TMEM59: variants seen among roughly 807,000 people sequenced by gnomAD.
The protein encoded by TMEM59 is dendritic cell factor 1.
In TMEM59, 44 loss-of-function variants were observed where a neutral mutation model predicts 42.2. The observed-to-expected ratio is 1.04, with a 90% CI of 0.82 to 1.34. TMEM59 has a LOEUF of 1.34. Ranked by LOEUF, TMEM59 falls within the 40% of genes most tolerant of loss-of-function variation. The pLI is 0.00. For missense variants in TMEM59, 359 were observed against 382.8 expected (o/e 0.94, Z 0.52); for synonymous variants, 148 against 145.8 (o/e 1.02, Z -0.11).
rs767663092 is a variant in TMEM59 at position 54,047,248 on chromosome 1, C to A, written c.295+19G>T. On this transcript the variant is annotated intron_variant, in intron 2 of 7. Transcript: ENST00000234831. Reference sequence around the variant, plus strand: ...AAACAATGTTACATACAGCTGATGTCGTTAGCATAGCATCTTACCAGATTC... The same window carrying A: ...AAACAATGTTACATACAGCTGATGTAGTTAGCATAGCATCTTACCAGATTC... The A allele has an allele frequency of 6.3e-7, 1 of 1,589,270 alleles. No individual in the cohort carries two copies. The highest frequency in any genetic ancestry group is 8.6e-7 in the Non-Finnish European group (1 of 1,161,212).
chr1:54,049,518 A>C lies in TMEM59; in HGVS notation c.190-2146T>G. Among the ~76,000 whole-genome samples the C allele has an allele frequency of 2.0e-5, 3 of 152,368 alleles. No homozygotes were observed. The South Asian group carries it at 6.2e-4, about 32-fold the overall frequency. ...ATCATATCTTTATTCTAAGTATTTC[A>C]TGTTATATATACAAAAATAATGATT... On this transcript the variant is annotated intron_variant, in intron 1 of 7. Coordinates refer to ENST00000234831, the MANE Select transcript of TMEM59 (RefSeq NM_004872.5).
rs1657374486 is a variant in TMEM59, at chr1:54,047,318, A to G, written c.244T>C (p.Phe82Leu). The change falls in exon 2 of 8, where the codon TTT becomes CTT. Residue 82 changes from phenylalanine to leucine, a missense_variant. Coordinates refer to ENST00000234831, the MANE Select transcript of TMEM59 (RefSeq NM_004872.5). ...RGCRLFSICQ[F>L]VDDGIDLNRT... is the part of the protein sequence containing the mutation. ...TTTAAGTCAATTCCATCATCCACAA[A>G]CTGACAAATTGAAAACAGCCTGCAA... 1 of 1,613,870 alleles carries G rather than the reference A, an allele frequency of 6.2e-7. No individual in the cohort carries two copies. Among genetic ancestry groups the G allele is most frequent in the Admixed American group, 1.7e-5 (1 of 59,944 alleles).
chr1:54,047,177 G>A (rs1415535770), intron 2 of TMEM59, 90 bp downstream of exon 2: 2 of 1,073,114 alleles, frequency 1.9e-6, no homozygotes, highest in East Asian at 2.7e-5. Flanking sequence ...TCAACAGTGT[G>A]TTTTCCATTT....
chr1:54,053,525 C>T, upstream of TMEM59: 1 of 267,746 alleles, frequency 3.7e-6, no homozygotes, highest in Non-Finnish European at 7.2e-6. Context: ...AAGTTGGTCT[C>T]GGAAAACTAC....
At chr1:54,045,836 G>A (rs1396944465) in intron 2 of TMEM59, 50 bp from the exon 3 acceptor site, 5 of 1,495,208 alleles carry the variant, frequency 3.3e-6, no homozygotes, top group East Asian at 2.3e-5. Flanking sequence ...GAAAGGGAAA[G>A]AGGAAAGAAA....
At chr1:54,041,017 CATTAT>C (rs1657120271) in intron 5 of TMEM59, among the ~76,000 whole-genome samples, 180 bp from the exon 6 acceptor site, 1 of 152,206 alleles carries the variant, frequency 6.6e-6, no homozygotes, top group African/African-American at 2.4e-5. Context: ...TATTCTATCA[CATTAT>C]GAGTTTCCTG....
At chr1:54,039,953 C>T (rs1276503533) in intron 6 of TMEM59, among the ~76,000 whole-genome samples, 1 of 152,086 alleles carries the variant, frequency 6.6e-6, no homozygotes, top group Non-Finnish European at 1.5e-5. Flanking sequence ...CCTAGGAGGG[C>T]ATATGGTACC....
chr1:54,042,304 T>C (rs1270786354), intron 4 of TMEM59, among the ~76,000 whole-genome samples: 1 of 152,136 alleles, frequency 6.6e-6, no homozygotes, highest in Non-Finnish European at 1.5e-5. Context: ...ATAGTTCTGA[T>C]CCTCTAGAAT....
In TMEM59 at chr1:54,032,126, A is replaced by C; in HGVS notation, c.*24T>G. ...GAGTGGAATTTTAGATGTCTATTAC[A>C]CTTGTCTTTTAAAAGAAAAATGCTT... On this transcript the variant is annotated 3_prime_UTR_variant, in exon 8 of 8. Coordinates refer to ENST00000234831, the MANE Select transcript of TMEM59 (RefSeq NM_004872.5). 3 of 1,597,224 alleles carry C rather than the reference A, an allele frequency of 1.9e-6. No individual in the cohort carries two copies. Among genetic ancestry groups the C allele is most frequent in the South Asian group, 1.1e-5 (1 of 89,356 alleles).
At chr1:54,051,336 T>C (rs1197327434) in intron 1 of TMEM59, among the ~76,000 whole-genome samples, 2 of 152,194 alleles carry the variant, frequency 1.3e-5, no homozygotes, top group African/African-American at 4.8e-5. Context: ...TTAGGGATAA[T>C]GGTATGATAA....
At chr1:54,046,747 T>A (rs1657351774) in intron 2 of TMEM59, among the ~76,000 whole-genome samples, 1 of 152,262 alleles carries the variant, frequency 6.6e-6, no homozygotes, top group Non-Finnish European at 1.5e-5. Context: ...GTCAATTGTG[T>A]CCTGATTATA....
chr1:54,052,978 G>T, intron 1 of TMEM59, 22 bp downstream of exon 1: 1 of 1,597,480 alleles, frequency 6.3e-7, no homozygotes, highest in Non-Finnish European at 8.6e-7. Flanking sequence ...AAGGGTCGCA[G>T]CCCGCTCCGG....
chr1:54,049,090 A>G (rs1390315527), intron 1 of TMEM59, among the ~76,000 whole-genome samples: 1 of 152,212 alleles, frequency 6.6e-6, no homozygotes. Context: ...CTTTCCTTTA[A>G]TAAGTCATCC....
rs1273937340 is a variant in TMEM59, at chr1:54,029,276, G to T, written c.*2874C>A. 6.6e-6 allele frequency: 1 copy of T among 152,174 alleles called. No homozygotes were observed. Among genetic ancestry groups the T allele is most frequent in the Admixed American group, 6.5e-5 (1 of 15,280 alleles). The allele number at this position is 152,174 out of a possible 1,614,324, so 9.4% of individuals were successfully genotyped here. A position where few individuals can be genotyped will look rare whatever the true frequency, so the allele number is the denominator to read the frequency against. On this transcript the variant is annotated 3_prime_UTR_variant, in exon 8 of 8. Coordinates refer to ENST00000234831, the MANE Select transcript of TMEM59 (RefSeq NM_004872.5). Reference sequence around the variant, plus strand: ...CATATCACAAATGAAAGGTGCCCATGAAGTTTTGTGAGAAAACTTGGAACC... The same window carrying T: ...CATATCACAAATGAAAGGTGCCCATTAAGTTTTGTGAGAAAACTTGGAACC...
intron 4 of TMEM59, among the ~76,000 whole-genome samples, chr1:54,042,523 A>AC (rs1657175767): frequency 6.6e-6 from 1 of 152,174 alleles, no homozygotes; most frequent in South Asian, 2.1e-4. Flanking sequence ...AGTAGAGGGG[A>AC]CCCAAGGTTC....
intron 7 of TMEM59, chr1:54,033,125 T>C (rs1464283805): frequency 2.0e-5 from 3 of 151,008 alleles, no homozygotes; most frequent in East Asian, 3.9e-4. Context: ...CTTTTTTTTT[T>C]CTTTCTTTTT....
intron 7 of TMEM59, among the ~76,000 whole-genome samples, chr1:54,035,760 GCAC>G (rs1392082889): frequency 2.0e-5 from 3 of 151,892 alleles, no homozygotes; most frequent in African/African-American, 7.3e-5. Context: ...TCACGGGCAC[GCAC>G]CACCATACCC....
At chr1:54,053,445 T>G, upstream of TMEM59, 1 of 506,984 alleles carries the variant, frequency 2.0e-6, no homozygotes, top group Admixed American at 3.5e-5. Context: ...GCCTCCTGAC[T>G]TCTTCCCTTC....
chr1:54,040,643 A>G (rs1456444066), intron 6 of TMEM59, 113 bp downstream of exon 6: 16 of 771,770 alleles, frequency 2.1e-5, no homozygotes, highest in Non-Finnish European at 3.4e-5. Flanking sequence ...GGAAAGGAAC[A>G]AGTAAAAAGG....
Sources: allele counts gnomAD v4.1 joint callset (sites outside exome capture counted in the v4.1 genomes callset), GRCh38; gene constraint gnomAD v4.1.1; transcripts MANE v1.5; gene names NCBI Gene and HGNC (gene_info 2026-07-23, HGNC 2026-07-21).